The following ARHGEF3 variants were observed in gnomAD, a reference collection of about 807,000 sequenced individuals.
The protein encoded by ARHGEF3 is 59.8 kDA protein.
Under a neutral mutation model 63.2 loss-of-function variants are expected in ARHGEF3, and 28 were observed. The observed-to-expected ratio is 0.44, with a 90% CI of 0.33 to 0.61. The LOEUF is 0.61. ARHGEF3 is among the 20% of genes least tolerant of loss of function. The pLI is 0.03. For missense variants in ARHGEF3, 533 were observed against 659.3 expected (o/e 0.81, Z 2.10); for synonymous variants, 266 against 254.2 (o/e 1.05, Z -0.44).
chr3:56,955,846 G>A (rs2106722623), intron 3 of ARHGEF3, among the ~76,000 whole-genome samples: 1 of 152,326 alleles, frequency 6.6e-6, no homozygotes, highest in East Asian at 1.9e-4. Context: ...GAGTGAGGGT[G>A]TTTCCACTTG....
intron 3 of ARHGEF3, among the ~76,000 whole-genome samples, chr3:56,891,416 T>C (rs970137780): frequency 1.7e-4 from 26 of 152,146 alleles, no homozygotes; most frequent in African/African-American, 6.3e-4. Flanking sequence ...CCAGTCCTTT[T>C]TTCTAGGCTG....
intron 2 of ARHGEF3, among the ~76,000 whole-genome samples, chr3:57,012,330 C>A (rs1443572374): frequency 6.6e-6 from 1 of 152,188 alleles, no homozygotes; most frequent in Non-Finnish European, 1.5e-5. Context: ...GTGCTCTTGG[C>A]TCACTGCAAC....
At chr3:56,778,349 C>T (rs961912833) in intron 1 of ARHGEF3, among the ~76,000 whole-genome samples, 1 of 152,198 alleles carries the variant, frequency 6.6e-6, no homozygotes, top group Admixed American at 6.5e-5. Flanking sequence ...CCCAGTCAGG[C>T]TGACTCCAGA....
chr3:56,779,018 C>G (rs1346725328), intron 1 of ARHGEF3, among the ~76,000 whole-genome samples: 1 of 151,972 alleles, frequency 6.6e-6, no homozygotes, highest in Non-Finnish European at 1.5e-5. Context: ...TGTAACATAC[C>G]CAAGGACAAC....
chr3:56,985,622 G>C (rs1275380662), intron 2 of ARHGEF3, among the ~76,000 whole-genome samples: 1 of 152,190 alleles, frequency 6.6e-6, no homozygotes, highest in East Asian at 1.9e-4. Context: ...ATTTTGTAAA[G>C]ACAGATAGGG....
At chr3:57,011,128 C>T (rs1280260031) in intron 2 of ARHGEF3, among the ~76,000 whole-genome samples, 2 of 152,094 alleles carry the variant, frequency 1.3e-5, no homozygotes, top group Non-Finnish European at 1.5e-5. Context: ...GAGGGAAAAT[C>T]GGAGGGAAGG....
rs760916208 is a variant in ARHGEF3, at chr3:56,755,104, G to C, written c.252C>G (p.Pro84=). 8 of 1,614,052 alleles carry C rather than the reference G, an allele frequency of 5.0e-6. No individual in the cohort carries two copies. Among genetic ancestry groups the C allele is most frequent in the Middle Eastern group, 1.6e-4 (1 of 6,062 alleles). The stretch of plus-strand genomic sequence containing the variant: ...GGGCGGCATTTCTGGACCAGGGTCG[G>C]GGGGCGAGGATGTCAGGGCGGCTCT... ...RSESRPDILA[P]RPWSRNAAPS... is the part of the protein sequence containing the mutation. Residue 84 remains proline, a synonymous_variant, in exon 3 of 10, where the codon CCC becomes CCG. Coordinates refer to ENST00000296315, the MANE Select transcript of ARHGEF3 (RefSeq NM_019555.3).
intron 4 of ARHGEF3, among the ~76,000 whole-genome samples, chr3:56,811,752 GCACTTAGTCACTAGTTCCCCAGATTT>G (rs2038073380): frequency 6.6e-6 from 1 of 152,142 alleles, no homozygotes; most frequent in Non-Finnish European, 1.5e-5. Context: ...CTGAACAGAA[GCACTTAGTCACTAGTTCCCCAGATTT>G]TATCATTGCA....
chr3:56,734,098 C>T (rs1217024171), intron 8 of ARHGEF3, among the ~76,000 whole-genome samples: 4 of 150,742 alleles, frequency 2.7e-5, no homozygotes, highest in East Asian at 1.9e-4. Context: ...GTGATGTTGG[C>T]AAAAAGAAAA....
At chr3:56,973,718 A>C (rs1470438369) in intron 2 of ARHGEF3, among the ~76,000 whole-genome samples, 3 of 152,110 alleles carry the variant, frequency 2.0e-5, no homozygotes, top group Non-Finnish European at 4.4e-5. Flanking sequence ...CAAATTTGGC[A>C]AAGCAGAGAC....
intron 2 of ARHGEF3, among the ~76,000 whole-genome samples, chr3:56,969,947 T>A (rs1333741316): frequency 6.6e-6 from 1 of 152,080 alleles, no homozygotes; most frequent in Non-Finnish European, 1.5e-5. Context: ...ACACAAGGGA[T>A]ACATATTATA....
intron 4 of ARHGEF3, among the ~76,000 whole-genome samples, chr3:56,839,195 T>C (rs931346188): frequency 6.6e-6 from 1 of 151,990 alleles, no homozygotes; most frequent in Non-Finnish European, 1.5e-5. Context: ...GAACATAATA[T>C]CCATTTACAT....
At chr3:56,757,598 T>C (rs1402495935) in intron 2 of ARHGEF3, among the ~76,000 whole-genome samples, 2 of 152,218 alleles carry the variant, frequency 1.3e-5, no homozygotes, top group Non-Finnish European at 2.9e-5. Flanking sequence ...AAAATCTATA[T>C]GTGAACATTT....
chr3:56,795,460 C>T lies in ARHGEF3; in HGVS notation c.96+6243G>A, dbSNP rs187093006. On this transcript the variant is annotated intron_variant, in intron 1 of 9. Transcript: ENST00000296315. ...GAAGAAAAAAGTCTAGTGAACTTAC[C>T]GTTAAGGTTTCTCATTCAGCTTCAA... 7.2e-5 allele frequency among the ~76,000 whole-genome samples: 11 copies of T among 152,238 alleles called. No individual in the cohort carries two copies. The East Asian group carries it at 9.7e-4, about 13-fold the overall frequency.
chr3:57,006,475 A>G (rs1294741853), intron 2 of ARHGEF3, among the ~76,000 whole-genome samples: 4 of 152,166 alleles, frequency 2.6e-5, no homozygotes, highest in African/African-American at 4.8e-5. Flanking sequence ...ACTGTCCACA[A>G]GCTTCTTCCA....
chr3:56,876,376 G>A (rs1032258311), intron 4 of ARHGEF3, among the ~76,000 whole-genome samples: 4 of 152,174 alleles, frequency 2.6e-5, no homozygotes, highest in Non-Finnish European at 4.4e-5. Flanking sequence ...CCACAGAGAC[G>A]CTGAATACTG....
chr3:57,015,735 C>T (rs769124744), intron 2 of ARHGEF3, among the ~76,000 whole-genome samples: 12 of 151,970 alleles, frequency 7.9e-5, no homozygotes, highest in Non-Finnish European at 1.5e-4. Context: ...AGCCACTGCA[C>T]CTGGCCTTAA....
intron 7 of ARHGEF3, among the ~76,000 whole-genome samples, chr3:56,738,115 C>T (rs1431187281): frequency 6.6e-6 from 1 of 152,212 alleles, no homozygotes; most frequent in Non-Finnish European, 1.5e-5. Context: ...GTGATCTCAG[C>T]TCACTGCAAC....
intron 1 of ARHGEF3, among the ~76,000 whole-genome samples, chr3:56,795,866 C>G (rs1451839809): frequency 6.6e-6 from 1 of 151,834 alleles, no homozygotes; most frequent in African/African-American, 2.4e-5. Flanking sequence ...TCTTGAACCC[C>G]TGACCTCGTG....
Sources: allele counts gnomAD v4.1 joint callset (sites outside exome capture counted in the v4.1 genomes callset), GRCh38; gene constraint gnomAD v4.1.1; transcripts MANE v1.5; gene names NCBI Gene and HGNC (gene_info 2026-07-23, HGNC 2026-07-21).